Variants in SIRT1 observed in about 807,000 individuals in gnomAD.
The protein encoded by SIRT1 is sirtuin 1, also known as NAD-dependent protein deacetylase sirtuin-1.
In SIRT1, 24 loss-of-function variants were observed where a neutral mutation model predicts 67.9. The observed-to-expected ratio is 0.35, with a 90% CI of 0.26 to 0.50. SIRT1 has a LOEUF of 0.50. SIRT1 is among the 20% of genes least tolerant of loss of function. The probability of loss-of-function intolerance (pLI) is 0.98; values close to 1 mark genes in which losing one functional copy is unlikely to be tolerated. For missense variants in SIRT1, 873 were observed against 937.2 expected (o/e 0.93, Z 0.89); for synonymous variants, 378 against 350.7 (o/e 1.08, Z -0.87).
chr10:67,888,760 TA>T, intron 2 of SIRT1, 121 bp from the exon 3 acceptor site: 1 of 1,063,308 alleles, frequency 9.4e-7, no homozygotes. Context: ...GAAATACCAT[TA>T]AATTGCATTT....
chr10:67,891,350 TC>T, intron 3 of SIRT1, 51 bp from the exon 4 acceptor site: 1 of 1,546,802 alleles, frequency 6.5e-7, no homozygotes, highest in Non-Finnish European at 8.9e-7. Context: ...GCTAGCTAGT[TC>T]CTATAAAGGT....
chr10:67,918,211 G>C lies in SIRT1; in HGVS notation c.*1618G>C, dbSNP rs201010747. 2 of 152,382 alleles carry C rather than the reference G, an allele frequency of 1.3e-5. No individual in the cohort carries two copies. Among genetic ancestry groups the C allele is most frequent in the South Asian group, 4.1e-4 (2 of 4,822 alleles). The allele number at this position is 152,382 out of a possible 1,614,324, so 9.4% of individuals were successfully genotyped here. The stretch of plus-strand genomic sequence containing the variant: ...TTAAATTATTTTTACAGTGAAGACT[G>C]TTTTCAGCTCTTTTTATATTGTACA... On this transcript the variant is annotated 3_prime_UTR_variant, in exon 9 of 9. Coordinates refer to ENST00000212015, the MANE Select transcript of SIRT1 (RefSeq NM_012238.5).
At chr10:67,899,760 G>C (rs1842712546) in intron 4 of SIRT1, among the ~76,000 whole-genome samples, 1 of 151,998 alleles carries the variant, frequency 6.6e-6, no homozygotes, top group South Asian at 2.1e-4. Flanking sequence ...TTTTGATCTA[G>C]GGTTGTTTTT....
rs1484870908 is a variant in SIRT1 at position 67,916,560 on chromosome 10, AACAG to A, written c.2215_2218del (p.Asp739Ter). The A allele has an allele frequency of 6.2e-7, 1 of 1,612,738 alleles. No individual in the cohort carries two copies. Among genetic ancestry groups the A allele is most frequent in the Admixed American group, 1.7e-5 (1 of 59,980 alleles). On this transcript the variant is annotated frameshift_variant, in exon 9 of 9. Transcript: ENST00000212015. LOFTEE classifies it high-confidence loss of function. ...AAGCTATATCTGTGAAACAGGAAGT[AACAG>A]ACATGAACTATCCATCAAACAAATC... is the stretch of plus-strand genomic sequence containing the variant.
At chr10:67,892,609 T>C (rs1324704732) in intron 4 of SIRT1, among the ~76,000 whole-genome samples, 1 of 152,080 alleles carries the variant, frequency 6.6e-6, no homozygotes, top group Non-Finnish European at 1.5e-5. Context: ...TTTTTTTTTT[T>C]TTCTTTTTTT....
chr10:67,888,813 C>T, intron 2 of SIRT1, 69 bp from the exon 3 acceptor site: 2 of 1,514,884 alleles, frequency 1.3e-6, no homozygotes, highest in Non-Finnish European at 1.8e-6. Flanking sequence ...TAACTCATTA[C>T]TTCAGAAAAT....
chr10:67,916,164 T>A (rs1231099157), intron 8 of SIRT1, 101 bp from the exon 9 acceptor site: 3 of 1,049,374 alleles, frequency 2.9e-6, no homozygotes, highest in Admixed American at 2.5e-5. Context: ...ATAAGGACAC[T>A]TATAATAAAG....
At chr10:67,893,521 C>G (rs1467722107) in intron 4 of SIRT1, among the ~76,000 whole-genome samples, 1 of 151,298 alleles carries the variant, frequency 6.6e-6, no homozygotes, top group Non-Finnish European at 1.5e-5. Context: ...TTTAATGAAT[C>G]CAGAAGTTAA....
At chr10:67,903,968 CT>C (rs1009748524) in intron 4 of SIRT1, among the ~76,000 whole-genome samples, 5 of 152,088 alleles carry the variant, frequency 3.3e-5, no homozygotes, top group African/African-American at 9.7e-5. Context: ...GCATGTCACA[CT>C]TTCACCATGG....
intron 4 of SIRT1, among the ~76,000 whole-genome samples, chr10:67,903,456 C>T (rs1018950155): frequency 1.3e-5 from 2 of 151,136 alleles, no homozygotes; most frequent in Admixed American, 6.6e-5. Context: ...GTGATCTAGG[C>T]TCACTACAAG....
intron 4 of SIRT1, among the ~76,000 whole-genome samples, chr10:67,898,664 C>T (rs533321157): frequency 1.1e-4 from 17 of 152,232 alleles, no homozygotes; most frequent in African/African-American, 3.9e-4. Flanking sequence ...ATTTATGTTA[C>T]ATTTTTAGCA....
intron 3 of SIRT1, among the ~76,000 whole-genome samples, chr10:67,890,546 A>C (rs1842553616): frequency 2.0e-5 from 3 of 151,112 alleles, no homozygotes; most frequent in Admixed American, 6.6e-5. Context: ...GGAGTTTGAG[A>C]TCACCCTGAG....
chr10:67,913,166 T>C, intron 8 of SIRT1, 135 bp downstream of exon 8: 3 of 875,882 alleles, frequency 3.4e-6, no homozygotes, highest in Non-Finnish European at 5.1e-6. Flanking sequence ...GTACAGTTCG[T>C]AATCAGAAAG....
intron 3 of SIRT1, among the ~76,000 whole-genome samples, chr10:67,891,021 C>T (rs1183661654): frequency 1.5e-5 from 2 of 135,204 alleles, no homozygotes; most frequent in East Asian, 2.4e-4. Context: ...CAGTGTGAGA[C>T]TCTGTCTCAA....
At chr10:67,905,124 T>C (rs7096385) in intron 4 of SIRT1, among the ~76,000 whole-genome samples, 135,428 of 152,162 alleles carry the variant, frequency 0.89, 60,486 homozygotes, top group Non-Finnish European at 0.93. Flanking sequence ...TTGCTTACTA[T>C]TATAGGTCCT....
At chr10:67,911,865 C>T (rs560791640) in intron 7 of SIRT1, among the ~76,000 whole-genome samples, 7 of 149,824 alleles carry the variant, frequency 4.7e-5, no homozygotes, top group South Asian at 2.2e-4. Context: ...TGCAGTCTCC[C>T]GTGTTCAAGC....
chr10:67,910,111 G>A (rs903368852), intron 7 of SIRT1, among the ~76,000 whole-genome samples: 3 of 151,906 alleles, frequency 2.0e-5, no homozygotes, highest in South Asian at 2.1e-4. Flanking sequence ...TTGGTGGCTC[G>A]TGCCTGTAAT....
intron 4 of SIRT1, among the ~76,000 whole-genome samples, chr10:67,894,540 A>G (rs1291355281): frequency 6.6e-6 from 1 of 152,170 alleles, no homozygotes; most frequent in East Asian, 1.9e-4. Flanking sequence ...TAGCGCAGAC[A>G]TTGACACTAT....
intron 3 of SIRT1, 129 bp downstream of exon 3, chr10:67,889,252 CTG>C: frequency 9.8e-7 from 1 of 1,023,768 alleles, no homozygotes; most frequent in Middle Eastern, 3.3e-4. Flanking sequence ...CTGCCAAAAA[CTG>C]AGTGCAGCAG....
Sources: gnomAD v4.1 joint callset for allele counts (sites outside exome capture counted in the v4.1 genomes callset) on GRCh38, gnomAD v4.1.1 for gene constraint, MANE v1.5 for transcripts, NCBI Gene and HGNC (gene_info 2026-07-23, HGNC 2026-07-21) for gene names.